The following CADPS variants were observed in gnomAD, a reference collection of about 807,000 sequenced individuals.
CADPS encodes calcium-dependent secretion activator 1.
A neutral mutation model predicts 167.3 loss-of-function variants in CADPS; 57 were observed. The ratio of observed to expected loss-of-function variants is 0.34; its 90% CI spans 0.28 to 0.42. CADPS has a LOEUF of 0.42. Among genes scored for constraint, CADPS ranks in the 20% least tolerant of loss-of-function variants. The pLI, the probability that CADPS is intolerant of heterozygous loss-of-function variation, is 1.00. For synonymous variants in CADPS, 676 were observed against 635.3 expected (o/e 1.06, Z -0.96); for missense variants, 1,414 against 1,738.1 (o/e 0.81, Z 3.32).
rs1338179880 is a variant in CADPS at position 62,544,247 on chromosome 3, A to G, written c.1966+5656T>C. Among the ~76,000 whole-genome samples, 1 of 152,150 alleles carries G rather than the reference A, an allele frequency of 6.6e-6. No homozygotes were observed. Among genetic ancestry groups the G allele is most frequent in the Non-Finnish European group, 1.5e-5 (1 of 68,018 alleles). On this transcript the variant is annotated intron_variant, in intron 11 of 29. Coordinates refer to ENST00000383710, the MANE Select transcript of CADPS (RefSeq NM_003716.4). The surrounding 1 kb of genome is among the most constrained non-coding windows in gnomAD (Gnocchi z 4.4). ...ATTAGAGCACACCCTTAAGCCAGCT[A>G]GAATGAACTCTTTAGTGTTCAAATA...
intron 2 of CADPS, among the ~76,000 whole-genome samples, chr3:62,762,933 TGAAG>T (rs2085869473): frequency 6.6e-6 from 1 of 152,186 alleles, no homozygotes; most frequent in Non-Finnish European, 1.5e-5. Context: ...AACTGGAGTG[TGAAG>T]TTGTGGCATG....
At chr3:62,519,941 T>C (rs557682719) in intron 13 of CADPS, among the ~76,000 whole-genome samples, 16 of 152,326 alleles carry the variant, frequency 1.1e-4, no homozygotes, top group African/African-American at 3.8e-4. Flanking sequence ...GTTTTTAAAT[T>C]TCTTTAAACA....
At chr3:62,597,674 G>A (rs2059124061) in intron 6 of CADPS, among the ~76,000 whole-genome samples, 1 of 152,152 alleles carries the variant, frequency 6.6e-6, no homozygotes, top group Non-Finnish European at 1.5e-5. Context: ...GTGCTTCCGA[G>A]AACCCATCAG....
chr3:62,864,241 G>A (rs946741793), intron 1 of CADPS, among the ~76,000 whole-genome samples: 3 of 152,182 alleles, frequency 2.0e-5, no homozygotes, highest in Non-Finnish European at 4.4e-5. Context: ...ATGGCTAAAT[G>A]TATGGGTCTG....
At chr3:62,472,434 G>A (rs115165485) in intron 24 of CADPS, among the ~76,000 whole-genome samples, 3,688 of 152,164 alleles carry the variant, frequency 0.024, 67 homozygotes, top group Middle Eastern at 0.071. Context: ...GAACTCAAAG[G>A]GATCTCAATG....
intron 28 of CADPS, among the ~76,000 whole-genome samples, chr3:62,413,314 C>T (rs1575667454): frequency 6.6e-6 from 1 of 152,092 alleles, no homozygotes; most frequent in South Asian, 2.1e-4. Flanking sequence ...AGAAGAGATA[C>T]GCCCACATTG....
At chr3:62,780,500 A>T (rs557503087) in intron 1 of CADPS, among the ~76,000 whole-genome samples, 1 of 152,208 alleles carries the variant, frequency 6.6e-6, no homozygotes, top group East Asian at 1.9e-4. Context: ...AGCATTGTGT[A>T]ACAAGCTTGG....
chr3:62,821,810 A>G (rs185572067), intron 1 of CADPS, among the ~76,000 whole-genome samples: 1 of 152,288 alleles, frequency 6.6e-6, no homozygotes, highest in East Asian at 1.9e-4. Flanking sequence ...TCAACCCATA[A>G]CAGTCTCCCA....
intron 13 of CADPS, among the ~76,000 whole-genome samples, chr3:62,525,836 C>T (rs2072029088): frequency 6.6e-6 from 1 of 151,938 alleles, no homozygotes; most frequent in Admixed American, 6.6e-5. Flanking sequence ...TAAAAGGAAC[C>T]ATTATGTGAC....
chr3:62,629,998 C>G (rs1202847451), intron 6 of CADPS, among the ~76,000 whole-genome samples: 2 of 152,074 alleles, frequency 1.3e-5, no homozygotes, highest in African/African-American at 4.8e-5. Flanking sequence ...TCACACTACT[C>G]TGTTTAATTT....
chr3:62,840,929 A>C (rs1375098513), intron 1 of CADPS, among the ~76,000 whole-genome samples: 1 of 152,226 alleles, frequency 6.6e-6, no homozygotes, highest in African/African-American at 2.4e-5. Context: ...AGGAAATCAC[A>C]ATAGAAACAG....
At chr3:62,466,003 T>C (rs1361203539) in intron 25 of CADPS, among the ~76,000 whole-genome samples, 4 of 152,210 alleles carry the variant, frequency 2.6e-5, no homozygotes, top group Admixed American at 6.5e-5. Context: ...GGGGTTTTCA[T>C]GATGGCAGAA....
intron 6 of CADPS, among the ~76,000 whole-genome samples, chr3:62,639,980 C>A (rs1260854572): frequency 6.6e-6 from 1 of 152,150 alleles, no homozygotes; most frequent in Non-Finnish European, 1.5e-5. Context: ...AAATTATAAT[C>A]TGTTGTTACC....
At position 62,721,139 on chromosome 3, in the gene CADPS, A is replaced by ATT. The variant is rs1268261563; in HGVS notation, c.888+32301_888+32302insAA. Among the ~76,000 whole-genome samples the ATT allele has an allele frequency of 2.7e-5, 3 of 112,972 alleles. No homozygotes were observed. The Admixed American group carries it at 2.8e-4, about 10-fold the overall frequency. 74.1% of individuals were successfully genotyped at this position (112,972 alleles called of 152,430 possible). A position where few individuals can be genotyped will look rare whatever the true frequency, so the allele number is the denominator to read the frequency against. The stretch of plus-strand genomic sequence containing the variant: ...GCAGGTTTTTTTTTTTTTTTTAAAA[A>ATT]AAAAAAGAAGAAAAAAGAAAAAGTA... On this transcript the variant is annotated intron_variant, in intron 3 of 29. Coordinates refer to ENST00000383710, the MANE Select transcript of CADPS (RefSeq NM_003716.4).
intron 18 of CADPS, among the ~76,000 whole-genome samples, chr3:62,496,178 T>A (rs1348970559): frequency 6.6e-6 from 1 of 151,974 alleles, no homozygotes; most frequent in Non-Finnish European, 1.5e-5. Context: ...AAAAACCCTA[T>A]GTTTAGTGTG....
intron 1 of CADPS, among the ~76,000 whole-genome samples, chr3:62,804,854 G>A (rs1283359618): frequency 6.6e-6 from 1 of 152,132 alleles, no homozygotes; most frequent in Non-Finnish European, 1.5e-5. Flanking sequence ...CATAGACACA[G>A]TATGTCCTGA....
At chr3:62,703,370 G>T (rs1258611068) in intron 3 of CADPS, among the ~76,000 whole-genome samples, 2 of 152,102 alleles carry the variant, frequency 1.3e-5, no homozygotes, top group African/African-American at 4.8e-5. Context: ...ATGGTCCTTA[G>T]TTAATTTAAG....
At chr3:62,488,749 C>T (rs1488752610) in intron 21 of CADPS, among the ~76,000 whole-genome samples, 1 of 152,104 alleles carries the variant, frequency 6.6e-6, no homozygotes, top group Non-Finnish European at 1.5e-5. Flanking sequence ...CTTGGCCCCC[C>T]AAAGTGTTGG....
intron 6 of CADPS, among the ~76,000 whole-genome samples, chr3:62,614,259 C>T (rs2061926780): frequency 6.6e-6 from 1 of 152,070 alleles, no homozygotes; most frequent in Non-Finnish European, 1.5e-5. Context: ...GGAACTGAAG[C>T]TTAGGAATAA....
Sources: allele counts gnomAD v4.1 joint callset (sites outside exome capture counted in the v4.1 genomes callset), GRCh38; gene constraint gnomAD v4.1.1; non-coding constraint Gnocchi (gnomAD v3.1); transcripts MANE v1.5; gene names NCBI Gene and HGNC (gene_info 2026-07-23, HGNC 2026-07-21).